Variants in DLGAP2 observed in about 807,000 individuals in gnomAD.
DLGAP2 encodes DLG associated protein 2.
A neutral mutation model predicts 100.3 loss-of-function variants in DLGAP2; 26 were observed. The ratio of observed to expected loss-of-function variants is 0.26; its 90% CI spans 0.19 to 0.36. The LOEUF (loss-of-function observed/expected upper bound fraction) is 0.36. DLGAP2 is among the 10% of genes least tolerant of loss of function. The probability of loss-of-function intolerance (pLI) is 1.00; values close to 1 mark genes in which losing one functional copy is unlikely to be tolerated. For synonymous variants in DLGAP2, 886 were observed against 630.1 expected (o/e 1.41, Z -6.08); for missense variants, 1,858 against 1,453.2 (o/e 1.28, Z -4.53).
At chr8:1,319,949 T>C (rs891270512) in intron 3 of DLGAP2, among the ~76,000 whole-genome samples, 3 of 152,102 alleles carry the variant, frequency 2.0e-5, no homozygotes, top group Non-Finnish European at 4.4e-5. Flanking sequence ...AGGACTTAGC[T>C]TTAACCCAGA....
intron 2 of DLGAP2, among the ~76,000 whole-genome samples, chr8:1,059,167 G>T (rs1234773313): frequency 1.3e-5 from 2 of 152,070 alleles, no homozygotes; most frequent in Non-Finnish European, 2.9e-5. Context: ...CTCTGTGACA[G>T]CTCTCTTTGG....
intron 2 of DLGAP2, among the ~76,000 whole-genome samples, chr8:1,007,243 C>G (rs12681826): frequency 6.6e-6 from 1 of 152,202 alleles, no homozygotes; most frequent in Non-Finnish European, 1.5e-5. Context: ...GTCCCACACT[C>G]TTCACGTGTC....
intron 2 of DLGAP2, among the ~76,000 whole-genome samples, chr8:971,805 A>T (rs996511639): frequency 1.3e-5 from 2 of 152,156 alleles, no homozygotes; most frequent in African/African-American, 4.8e-5. Context: ...CTAAGCAATG[A>T]GAGTGAAGGG....
At chr8:912,685 C>A (rs972809084) in intron 2 of DLGAP2, among the ~76,000 whole-genome samples, 4 of 149,550 alleles carry the variant, frequency 2.7e-5, no homozygotes, top group African/African-American at 9.9e-5. Context: ...TGGAGCTGAC[C>A]CCCGCACCGT....
At chr8:1,562,480 G>A (rs145917424) in intron 5 of DLGAP2, among the ~76,000 whole-genome samples, 1 of 31,062 alleles carries the variant, frequency 3.2e-5, no homozygotes, top group African/African-American at 1.5e-4. Flanking sequence ...TTGGGGTGTC[G>A]GCGCCTCGTT....
chr8:1,302,775 A>G (rs1226364773), intron 3 of DLGAP2, among the ~76,000 whole-genome samples: 1 of 152,252 alleles, frequency 6.6e-6, no homozygotes, highest in East Asian at 1.9e-4. Context: ...GGGACCATGG[A>G]GCGACCTTGC....
intron 2 of DLGAP2, among the ~76,000 whole-genome samples, chr8:1,230,097 C>G (rs1303833467): frequency 2.0e-5 from 3 of 152,060 alleles, no homozygotes; most frequent in Admixed American, 6.5e-5. Flanking sequence ...TGATATGATT[C>G]TATACCTGCA....
chr8:1,639,827 T>G (rs1797855283), intron 8 of DLGAP2, among the ~76,000 whole-genome samples: 2 of 152,184 alleles, frequency 1.3e-5, no homozygotes, highest in Admixed American at 1.3e-4. Context: ...TGGGCCTCCA[T>G]TGTCCAAGCC....
intron 8 of DLGAP2, among the ~76,000 whole-genome samples, chr8:1,666,553 C>T (rs1295557402): frequency 1.3e-5 from 2 of 151,880 alleles, no homozygotes; most frequent in South Asian, 2.1e-4. Context: ...TGGTGGCAAG[C>T]GCTGTAATCC....
chr8:1,204,179 G>C (rs916698750), intron 2 of DLGAP2, among the ~76,000 whole-genome samples: 11 of 152,240 alleles, frequency 7.2e-5, no homozygotes, highest in African/African-American at 2.7e-4. Context: ...GAGGGGGTAA[G>C]TCACACCCAT....
At chr8:1,324,816 A>T (rs1800983632) in intron 3 of DLGAP2, among the ~76,000 whole-genome samples, 1 of 152,196 alleles carries the variant, frequency 6.6e-6, no homozygotes. Context: ...ATCTAAAATG[A>T]AACTCATCTT....
intron 2 of DLGAP2, among the ~76,000 whole-genome samples, chr8:1,024,114 C>G (rs919829172): frequency 3.3e-5 from 5 of 151,854 alleles, no homozygotes; most frequent in Admixed American, 6.6e-5. Flanking sequence ...AAGTGAATCC[C>G]CAGTGGAGGA....
chr8:822,977 T>G (rs985781820), intron 1 of DLGAP2, among the ~76,000 whole-genome samples: 9 of 152,020 alleles, frequency 5.9e-5, no homozygotes, highest in African/African-American at 2.2e-4. Flanking sequence ...TTTCACGAGA[T>G]TTGTCAAAGG....
chr8:959,919 G>C (rs144233654), intron 2 of DLGAP2, among the ~76,000 whole-genome samples: 116 of 152,196 alleles, frequency 7.6e-4, no homozygotes, highest in African/African-American at 2.7e-3. Context: ...TCTCAAAAAG[G>C]ATTTACATAG....
intron 2 of DLGAP2, among the ~76,000 whole-genome samples, chr8:996,575 C>G (rs1184014048): frequency 6.6e-6 from 1 of 152,188 alleles, no homozygotes; most frequent in Non-Finnish European, 1.5e-5. Context: ...GTTCTCAGTT[C>G]TCTCATGATG....
chr8:1,085,086 A>G (rs1803931286), intron 2 of DLGAP2, among the ~76,000 whole-genome samples: 1 of 152,178 alleles, frequency 6.6e-6, no homozygotes, highest in Non-Finnish European at 1.5e-5. Flanking sequence ...ACGTGATTTG[A>G]TATTGACTGG....
At chr8:1,164,980 G>A (rs887566235) in intron 2 of DLGAP2, among the ~76,000 whole-genome samples, 1 of 152,110 alleles carries the variant, frequency 6.6e-6, no homozygotes, top group African/African-American at 2.4e-5. Flanking sequence ...TCCCATTAGA[G>A]AGTCTGGGAG....
At chr8:1,545,612 C>T (rs778738763) in intron 4 of DLGAP2, among the ~76,000 whole-genome samples, 8 of 152,324 alleles carry the variant, frequency 5.3e-5, no homozygotes, top group East Asian at 1.9e-4. Flanking sequence ...CTAAAAAACC[C>T]GGAGACCTAG....
chr8:826,636 G>T (rs2132694605), intron 1 of DLGAP2, among the ~76,000 whole-genome samples: 1 of 152,116 alleles, frequency 6.6e-6, no homozygotes, highest in Admixed American at 6.5e-5. Context: ...TTCTGCCTGT[G>T]GCTGCAGCCT....
Sources: gnomAD v4.1 joint callset for allele counts (sites outside exome capture counted in the v4.1 genomes callset) on GRCh38, gnomAD v4.1.1 for gene constraint, MANE v1.5 for transcripts, NCBI Gene and HGNC (gene_info 2026-07-23, HGNC 2026-07-21) for gene names.